C3AR1: variants seen among roughly 807,000 people sequenced by gnomAD.
C3AR1 encodes the protein complement C3a receptor 1.
For synonymous variants in C3AR1, 208 were observed against 225.3 expected (o/e 0.92, Z 0.69); for missense variants, 579 against 583.5 (o/e 0.99, Z 0.08).
rs1320441470 is a variant in C3AR1 at position 8,058,770 on chromosome 12, A to G, written c.1416T>C (p.Asn472=). 6 of 1,612,840 alleles carry G rather than the reference A, an allele frequency of 3.7e-6. No individual in the cohort carries two copies. The East Asian group carries it at 1.3e-4, about 36-fold the overall frequency. Residue 472 remains asparagine (N), a synonymous_variant, in exon 2 of 2, where the codon AAT becomes AAC. Transcript: ENST00000307637. ...LTRSTHCPSN[N]VISERNSTTV Reference sequence around the variant, plus strand: ...TTGTACTATTTCTTTCTGAAATGACATTGTTTGAGGGACAGTGGGTGGAAC... The same window carrying G: ...TTGTACTATTTCTTTCTGAAATGACGTTGTTTGAGGGACAGTGGGTGGAAC...
At chr12:8,061,196 G>T (rs11567803) in intron 1 of C3AR1, among the ~76,000 whole-genome samples, 2 of 151,972 alleles carry the variant, frequency 1.3e-5, no homozygotes, top group Non-Finnish European at 2.9e-5. Context: ...TTTTATGACC[G>T]TAACTTGGGA....
In C3AR1 at chr12:8,058,648, G is replaced by T; in HGVS notation, c.*89C>A. ...GATTGATTCTTTGACAGTTTTTGAA[G>T]TCCGCTGCTCACCATATCACTTCAT... On this transcript the variant is annotated 3_prime_UTR_variant, in exon 2 of 2. Coordinates refer to ENST00000307637, the MANE Select transcript of C3AR1 (RefSeq NM_004054.4). 1 of 1,408,612 alleles carries T rather than the reference G, an allele frequency of 7.1e-7. No individual in the cohort carries two copies. The highest frequency in any genetic ancestry group is 9.6e-7 in the Non-Finnish European group (1 of 1,036,704). The allele number at this position is 1,408,612 out of a possible 1,614,324, so 87.3% of individuals were successfully genotyped here.
At position 8,058,341 on chromosome 12, in the gene C3AR1, TTAA is replaced by T. The variant is rs1947216214; in HGVS notation, c.*393_*395del. Reference sequence around the variant, plus strand: ...GACTTAGACAATGCTAAGGAAAAATTTAATGATGGAAATATCGACAAATATTCA... The same window carrying T: ...GACTTAGACAATGCTAAGGAAAAATTTGATGGAAATATCGACAAATATTCA... On this transcript the variant is annotated 3_prime_UTR_variant, in exon 2 of 2. Transcript: ENST00000307637. 1 of 163,952 alleles carries T rather than the reference TTAA, an allele frequency of 6.1e-6. No individual in the cohort carries two copies. Among genetic ancestry groups the T allele is most frequent in the Non-Finnish European group, 1.3e-5 (1 of 75,270 alleles). 10.2% of individuals were successfully genotyped at this position (163,952 alleles called of 1,614,324 possible).
rs1565634281 is a variant in C3AR1 at position 8,058,127 on chromosome 12, G to A, written c.*610C>T. Among the ~76,000 whole-genome samples the A allele has an allele frequency of 1.3e-5, 2 of 152,176 alleles. No homozygotes were observed. Among genetic ancestry groups the A allele is most frequent in the Non-Finnish European group, 2.9e-5 (2 of 68,042 alleles). ...TCCTGTACCCAGGGGTGTTCCCAGGGACAGGCATCATTGCATAACCCTATG... is the reference window on the plus strand; with the variant it reads ...TCCTGTACCCAGGGGTGTTCCCAGGAACAGGCATCATTGCATAACCCTATG... On this transcript the variant is annotated 3_prime_UTR_variant, in exon 2 of 2. Coordinates refer to ENST00000307637, the MANE Select transcript of C3AR1 (RefSeq NM_004054.4).
At chr12:8,063,080 C>T (rs1342670604) in intron 1 of C3AR1, among the ~76,000 whole-genome samples, 1 of 149,508 alleles carries the variant, frequency 6.7e-6, no homozygotes, top group African/African-American at 2.5e-5. Flanking sequence ...GCCTCAGCCT[C>T]CCGAGGAGCT....
Position 8,059,936 on chromosome 12 carries a change from G to A in C3AR1, c.250C>T (p.Leu84Phe), listed in dbSNP as rs143734684. ...CTGCCGTAGGGCCACTGTCCCTGGA[G>A]AGCCAAGTGAGCCAGCGAGAAGGGC... ...SLPFSLAHLA[L>F]QGQWPYGRFL... Residue 84 changes from leucine (L) to phenylalanine (F), a missense_variant, in exon 2 of 2, where the codon CTC (leucine) becomes TTC (phenylalanine). Transcript: ENST00000307637. 55 of 1,614,088 alleles carry A rather than the reference G, an allele frequency of 3.4e-5. No homozygotes were observed. The highest frequency in any genetic ancestry group is 2.3e-4 in the Admixed American group (14 of 60,002).
chr12:8,060,250 A>G, intron 1 of C3AR1, 55 bp from the exon 2 acceptor site: 1 of 1,326,674 alleles, frequency 7.5e-7, no homozygotes, highest in Non-Finnish European at 1.0e-6. Context: ...GAAAATGCAT[A>G]CATATTCTTA....
In C3AR1 at chr12:8,059,172, G is replaced by T. The variant is rs865828397; in HGVS notation, c.1014C>A (p.Ile338=). ...QVPTPLVAIT[I]TRLVVGFLLP... is the part of the protein sequence containing the mutation. The stretch of plus-strand genomic sequence containing the variant: ...GCAGGAAACCCACCACTAGCCTAGT[G>T]ATCGTTATTGCCACGAGGGGTGTTG... The change falls in exon 2 of 2, where the codon ATC becomes ATA. Residue 338 remains isoleucine, a synonymous_variant. Transcript: ENST00000307637. The T allele has an allele frequency of 1.3e-5, 21 of 1,614,090 alleles. No individual in the cohort carries two copies. The East Asian group carries it at 4.7e-4, about 36-fold the overall frequency.
rs754185116 is a variant in C3AR1 at position 8,059,910 on chromosome 12, C to A, written c.276G>T (p.Arg92Ser). ...TGGAGGGGATGAGCTTGCATAGGAA[C>A]CTGCCGTAGGGCCACTGTCCCTGGA... is the stretch of plus-strand genomic sequence containing the variant. ...LALQGQWPYGRFLCKLIPSII... is the reference protein window; with the variant it reads ...LALQGQWPYGSFLCKLIPSII... The change falls in exon 2 of 2, where the codon AGG becomes AGT. Residue 92 changes from arginine (R) to serine (S), a missense_variant. Transcript: ENST00000307637. The A allele has an allele frequency of 1.8e-5, 29 of 1,614,066 alleles. No individual in the cohort carries two copies. The highest frequency in any genetic ancestry group is 9.9e-5 in the South Asian group (9 of 91,076).
chr12:8,059,332 T>G lies in C3AR1; in HGVS notation c.854A>C (p.Asn285Thr), dbSNP rs140494670. 3.7e-6 allele frequency: 6 copies of G among 1,613,988 alleles called. No homozygotes were observed. The highest frequency in any genetic ancestry group is 5.1e-6 in the Non-Finnish European group (6 of 1,180,030). Residue 285 changes from asparagine to threonine, a missense_variant, in exon 2 of 2, where the codon AAC becomes ACC. Physicochemically the swap from Asn to Thr is moderately conservative, Grantham distance 65 (BLOSUM62 0). Coordinates refer to ENST00000307637, the MANE Select transcript of C3AR1 (RefSeq NM_004054.4). ...IEDHETSPLD[N>T]SDAFLSTHLK... ...ATGAGTAGAGAGAAAAGCATCAGAG[T>G]TATCCAGTGGGCTGGTTTCGTGATC...
rs376175889 is a variant in C3AR1, at chr12:8,058,766, T to A, written c.1420A>T (p.Ile474Phe). Residue 474 changes from isoleucine to phenylalanine, a missense_variant, in exon 2 of 2, where the codon ATT becomes TTT. By Grantham distance (21) the Ile-to-Phe change is conservative. Transcript: ENST00000307637. ...RSTHCPSNNV[I>F]SERNSTTV is the part of the protein sequence containing the mutation. The stretch of plus-strand genomic sequence containing the variant: ...ACAGTTGTACTATTTCTTTCTGAAA[T>A]GACATTGTTTGAGGGACAGTGGGTG... 1 of 1,612,218 alleles carries A rather than the reference T, an allele frequency of 6.2e-7. No homozygotes were observed. Among genetic ancestry groups the A allele is most frequent in the African/African-American group, 1.3e-5 (1 of 74,822 alleles).
rs1947224321 is a variant in C3AR1, at chr12:8,058,782, A to G, written c.1404T>C (p.Cys468=). The change falls in exon 2 of 2, where the codon TGT becomes TGC. Residue 468 remains cysteine (C), a synonymous_variant. Transcript: ENST00000307637. ...TTTCTGAAATGACATTGTTTGAGGGACAGTGGGTGGAACGTGTGAGCTCCT... is the reference window on the plus strand; with the variant it reads ...TTTCTGAAATGACATTGTTTGAGGGGCAGTGGGTGGAACGTGTGAGCTCCT... The part of the protein sequence containing the change: ...FSEELTRSTH[C]PSNNVISERN... 8.1e-6 allele frequency: 13 copies of G among 1,613,940 alleles called. No individual in the cohort carries two copies. The highest frequency in any genetic ancestry group is 1.1e-5 in the Non-Finnish European group (13 of 1,179,902).
rs61736560 is a variant in C3AR1 at position 8,059,904 on chromosome 12, T to C, written c.282A>G (p.Leu94=). ...LQGQWPYGRF[L]CKLIPSIIVL... ...CAATGATGGAGGGGATGAGCTTGCA[T>C]AGGAACCTGCCGTAGGGCCACTGTC... Residue 94 remains leucine, a synonymous_variant, in exon 2 of 2, where the codon CTA becomes CTG. Coordinates refer to ENST00000307637, the MANE Select transcript of C3AR1 (RefSeq NM_004054.4). The C allele has an allele frequency of 5.4e-4, 873 of 1,614,056 alleles. 2 individuals carry two copies. The African/African-American group carries it at 1.0e-2, about 18-fold the overall frequency.
At position 8,059,978 on chromosome 12, in the gene C3AR1, G is replaced by T. The variant is rs773465018; in HGVS notation, c.208C>A (p.Leu70Ile). The change falls in exon 2 of 2, where the codon CTC becomes ATC. Residue 70 changes from leucine (L) to isoleucine (I), a missense_variant. Leu to Ile is a conservative substitution (Grantham distance 5). Transcript: ENST00000307637. ...GAGAAGGGCAAGGAGAGGCAGCAGAGGAGGTCCGCCAAGGTGAGGTGGAGG... is the reference window on the plus strand; with the variant it reads ...GAGAAGGGCAAGGAGAGGCAGCAGATGAGGTCCGCCAAGGTGAGGTGGAGG... ...WFLHLTLADL[L>I]CCLSLPFSLA... 3 of 1,614,170 alleles carry T rather than the reference G, an allele frequency of 1.9e-6. No individual in the cohort carries two copies. The highest frequency in any genetic ancestry group is 2.5e-6 in the Non-Finnish European group (3 of 1,180,040).
chr12:8,065,181 A>G (rs919731231), intron 1 of C3AR1, among the ~76,000 whole-genome samples: 1 of 149,996 alleles, frequency 6.7e-6, no homozygotes, highest in East Asian at 1.9e-4. Context: ...AAAAAAAAAA[A>G]GATATATGGT....
At chr12:8,065,537 C>T (rs1947322428) in intron 1 of C3AR1, among the ~76,000 whole-genome samples, 1 of 151,426 alleles carries the variant, frequency 6.6e-6, no homozygotes, top group Admixed American at 6.6e-5. Context: ...GCCTGCAATC[C>T]CACCTACTCA....
chr12:8,063,220 T>A (rs1947295561), intron 1 of C3AR1, among the ~76,000 whole-genome samples: 1 of 152,078 alleles, frequency 6.6e-6, no homozygotes, highest in Non-Finnish European at 1.5e-5. Flanking sequence ...CCTCCCAAAG[T>A]CCCGGGATTA....
At position 8,057,062 on chromosome 12, in the gene C3AR1, T is replaced by A. The variant is rs949328320; in HGVS notation, c.*1675A>T. On this transcript the variant is annotated 3_prime_UTR_variant, in exon 2 of 2. Transcript: ENST00000307637. ...ACCCTCACCTCAGCCATTGAACAGATAGTGTCTTGCAGGTCTAAAACACAT... is the reference window on the plus strand; with the variant it reads ...ACCCTCACCTCAGCCATTGAACAGAAAGTGTCTTGCAGGTCTAAAACACAT... 2.0e-5 allele frequency among the ~76,000 whole-genome samples: 3 copies of A among 152,184 alleles called. No individual in the cohort carries two copies. Among genetic ancestry groups the A allele is most frequent in the Admixed American group, 6.5e-5 (1 of 15,280 alleles).
intron 1 of C3AR1, among the ~76,000 whole-genome samples, chr12:8,060,687 G>A (rs1339047538): frequency 6.6e-6 from 1 of 152,196 alleles, no homozygotes; most frequent in Admixed American, 6.5e-5. Flanking sequence ...GAGCCACCAT[G>A]CCCATCCTAT....
Sources: gnomAD v4.1 joint callset for allele counts (sites outside exome capture counted in the v4.1 genomes callset) on GRCh38, gnomAD v4.1.1 for gene constraint, MANE v1.5 for transcripts, NCBI Gene and HGNC (gene_info 2026-07-23, HGNC 2026-07-21) for gene names.